Variants in IQCM observed in about 807,000 individuals in gnomAD.
IQCM encodes the protein IQ motif containing M, also known as IQ domain-containing protein M.
IQCM carries 45 observed loss-of-function variants against 57.6 expected under a neutral mutation model. The observed-to-expected ratio is 0.78, with a 90% confidence interval of 0.62 to 1.00. The LOEUF (loss-of-function observed/expected upper bound fraction) is 1.00. IQCM is among the 50% of genes least tolerant of loss of function. IQCM has a pLI of 0.00. For synonymous variants in IQCM, 148 were observed against 158.9 expected (o/e 0.93, Z 0.51); for missense variants, 468 against 511.6 (o/e 0.91, Z 0.82).
At chr4:149,457,108 T>TA (rs1374276066) in intron 12 of IQCM, among the ~76,000 whole-genome samples, 1 of 152,114 alleles carries the variant, frequency 6.6e-6, no homozygotes, top group East Asian at 1.9e-4. Flanking sequence ...CCTGAGGCCA[T>TA]ACTAAAAAGA....
chr4:149,633,708 A>T (rs1757486730), intron 7 of IQCM, among the ~76,000 whole-genome samples: 1 of 152,200 alleles, frequency 6.6e-6, no homozygotes, highest in African/African-American at 2.4e-5. Flanking sequence ...CCACATATGA[A>T]CCTTTCCTCC....
At chr4:149,395,819 C>T (rs891725885) in intron 13 of IQCM, among the ~76,000 whole-genome samples, 2 of 151,984 alleles carry the variant, frequency 1.3e-5, no homozygotes, top group Non-Finnish European at 2.9e-5. Context: ...AGACATTTTG[C>T]ATCTTATAAA....
chr4:149,723,131 G>A (rs754787174), intron 5 of IQCM, among the ~76,000 whole-genome samples: 1 of 151,974 alleles, frequency 6.6e-6, no homozygotes, highest in Non-Finnish European at 1.5e-5. Context: ...TGTGTATATT[G>A]TTTTAGTAAA....
At chr4:149,769,102 T>A (rs1272836332) in intron 2 of IQCM, among the ~76,000 whole-genome samples, 1 of 152,124 alleles carries the variant, frequency 6.6e-6, no homozygotes, top group Non-Finnish European at 1.5e-5. Flanking sequence ...ATTATTATTA[T>A]AAGTATCACT....
At chr4:149,358,427 T>G (rs894938287) in intron 13 of IQCM, among the ~76,000 whole-genome samples, 2 of 152,134 alleles carry the variant, frequency 1.3e-5, no homozygotes, top group South Asian at 2.1e-4. Flanking sequence ...ATGTGTCCCA[T>G]AGATTCTGGT....
intron 12 of IQCM, among the ~76,000 whole-genome samples, chr4:149,440,658 T>C (rs1205239421): frequency 6.6e-6 from 1 of 152,132 alleles, no homozygotes; most frequent in Non-Finnish European, 1.5e-5. Context: ...GCAAAAGTAA[T>C]ACCACGCTAT....
Position 149,621,258 on chromosome 4 carries a change from C to T in IQCM, c.566-14G>A. 1 of 1,159,832 alleles carries T rather than the reference C, an allele frequency of 8.6e-7. No homozygotes were observed. The highest frequency in any genetic ancestry group is 1.1e-6 in the Non-Finnish European group (1 of 921,904). 71.8% of individuals were successfully genotyped at this position (1,159,832 alleles called of 1,614,324 possible). Reference sequence around the variant, plus strand: ...AGAATGCTTTGTCTGTTAGAAATATCAATGCAGGTTAAAACAATATCTATC... The same window carrying T: ...AGAATGCTTTGTCTGTTAGAAATATTAATGCAGGTTAAAACAATATCTATC... On this transcript the variant is annotated splice_polypyrimidine_tract_variant and intron_variant, in intron 7 of 13. Transcript: ENST00000636793.
intron 12 of IQCM, among the ~76,000 whole-genome samples, chr4:149,513,246 C>A (rs920035655): frequency 6.6e-6 from 1 of 152,070 alleles, no homozygotes; most frequent in African/African-American, 2.4e-5. Context: ...GTATAATGAG[C>A]CAATTCCTGA....
At chr4:149,666,126 C>T (rs966215239) in intron 7 of IQCM, 1 of 152,550 alleles carries the variant, frequency 6.6e-6, no homozygotes, top group African/African-American at 2.4e-5. Context: ...TAATAAACTC[C>T]CCTTCATTCC....
intron 12 of IQCM, among the ~76,000 whole-genome samples, chr4:149,505,999 C>T (rs1331561969): frequency 6.6e-6 from 1 of 152,194 alleles, no homozygotes; most frequent in African/African-American, 2.4e-5. Flanking sequence ...AAGGGGAATA[C>T]AACTGGGCCT....
At chr4:149,362,269 G>A (rs1385732810) in intron 13 of IQCM, among the ~76,000 whole-genome samples, 3 of 152,072 alleles carry the variant, frequency 2.0e-5, no homozygotes, top group Non-Finnish European at 4.4e-5. Flanking sequence ...GGACTTTTGG[G>A]TTAATGCTGA....
intron 2 of IQCM, among the ~76,000 whole-genome samples, chr4:149,797,523 A>T (rs1175597325): frequency 6.6e-6 from 1 of 152,092 alleles, no homozygotes; most frequent in Non-Finnish European, 1.5e-5. Context: ...ATAATAAGAG[A>T]ATAATAGGAT....
At chr4:149,663,655 C>A (rs898228890) in intron 7 of IQCM, among the ~76,000 whole-genome samples, 1 of 151,964 alleles carries the variant, frequency 6.6e-6, no homozygotes, top group Non-Finnish European at 1.5e-5. Flanking sequence ...GTTGAATATA[C>A]CATTCTCTTC....
chr4:149,732,036 T>G (rs1766510037), intron 5 of IQCM, among the ~76,000 whole-genome samples: 1 of 152,090 alleles, frequency 6.6e-6, no homozygotes, highest in African/African-American at 2.4e-5. Flanking sequence ...GACAGCCTCC[T>G]CACTTAGCTC....
chr4:149,772,368 A>C (rs1561257240), intron 2 of IQCM, among the ~76,000 whole-genome samples: 1 of 152,198 alleles, frequency 6.6e-6, no homozygotes, highest in Admixed American at 6.5e-5. Context: ...TATATAGTAT[A>C]ATCTCTACTC....
intron 2 of IQCM, among the ~76,000 whole-genome samples, chr4:149,803,078 G>C (rs1238721174): frequency 6.6e-6 from 1 of 151,870 alleles, no homozygotes; most frequent in Non-Finnish European, 1.5e-5. Context: ...CATGATCCAT[G>C]TGCTAGTAAA....
chr4:149,566,425 C>T (rs1750639196), intron 9 of IQCM, among the ~76,000 whole-genome samples: 1 of 152,080 alleles, frequency 6.6e-6, no homozygotes, highest in Non-Finnish European at 1.5e-5. Context: ...TCATTACAGT[C>T]TTCTGGTCTC....
intron 8 of IQCM, among the ~76,000 whole-genome samples, chr4:149,590,146 T>C (rs1435000878): frequency 6.6e-6 from 1 of 151,930 alleles, no homozygotes; most frequent in Non-Finnish European, 1.5e-5. Context: ...TTAGATGTCC[T>C]CTGTGATTCT....
chr4:149,528,858 T>C (rs926264623), intron 12 of IQCM, among the ~76,000 whole-genome samples: 3 of 152,114 alleles, frequency 2.0e-5, no homozygotes, highest in Non-Finnish European at 2.9e-5. Context: ...CTGCTTGAGA[T>C]GAAGCTTACA....
Sources: allele counts gnomAD v4.1 joint callset (sites outside exome capture counted in the v4.1 genomes callset), GRCh38; gene constraint gnomAD v4.1.1; transcripts MANE v1.5; gene names NCBI Gene and HGNC (gene_info 2026-07-23, HGNC 2026-07-21).